UBTD2: variants seen among roughly 807,000 people sequenced by gnomAD.
The protein encoded by UBTD2 is ubiquitin domain containing 2, also known as ubiquitin domain-containing protein 2.
UBTD2 carries 9 observed loss-of-function variants against 19.8 expected under a neutral mutation model. The observed-to-expected ratio is 0.46, with a 90% confidence interval of 0.27 to 0.79. The LOEUF (loss-of-function observed/expected upper bound fraction) is 0.79, where lower values mean the gene tolerates loss of function less well. UBTD2 is among the 30% of genes least tolerant of loss of function. UBTD2 has a pLI of 0.14. For synonymous variants in UBTD2, 98 were observed against 103.9 expected (o/e 0.94, Z 0.35); for missense variants, 250 against 300.4 (o/e 0.83, Z 1.24).
At chr5:172,232,460 C>T (rs1385236490) in intron 2 of UBTD2, among the ~76,000 whole-genome samples, 1 of 151,902 alleles carries the variant, frequency 6.6e-6, no homozygotes, top group Non-Finnish European at 1.5e-5. Context: ...TGCTAATAAA[C>T]TTTCATAATA....
chr5:172,283,505 G>A lies in UBTD2; in HGVS notation c.70+91C>T. The A allele has an allele frequency of 9.7e-7, 1 of 1,028,052 alleles. No individual in the cohort carries two copies. The highest frequency in any genetic ancestry group is 1.2e-6 in the Non-Finnish European group (1 of 800,182). The allele number at this position is 1,028,052 out of a possible 1,614,324, so 63.7% of individuals were successfully genotyped here. ...AAGAGGGGATGACAAAGGGGCGCGGGGGCCCGGCGCGGCCCGCGGGGGTCG... is the reference window on the plus strand; with the variant it reads ...AAGAGGGGATGACAAAGGGGCGCGGAGGCCCGGCGCGGCCCGCGGGGGTCG... On this transcript the variant is annotated intron_variant, in intron 1 of 2. Transcript: ENST00000393792. This position sits in a 1 kb window ranked among gnomAD's most constrained non-coding sequence, Gnocchi z 4.3.
chr5:172,219,893 C>G (rs1334512090), intron 2 of UBTD2, among the ~76,000 whole-genome samples: 1 of 152,204 alleles, frequency 6.6e-6, no homozygotes, highest in Non-Finnish European at 1.5e-5. Context: ...AGGTTCAGTA[C>G]TATCCACAGT....
intron 2 of UBTD2, among the ~76,000 whole-genome samples, chr5:172,227,050 T>TAGA (rs1771781096): frequency 6.6e-6 from 1 of 152,190 alleles, no homozygotes; most frequent in Admixed American, 6.5e-5. Context: ...CGGAGCAGAC[T>TAGA]AGAAGCACCT....
chr5:172,257,775 G>A (rs1352570737), intron 1 of UBTD2, among the ~76,000 whole-genome samples: 1 of 152,152 alleles, frequency 6.6e-6, no homozygotes, highest in Non-Finnish European at 1.5e-5. Flanking sequence ...GTGATGGTGA[G>A]CATTTTTTCA....
At chr5:172,235,000 G>T (rs1349862824) in intron 1 of UBTD2, among the ~76,000 whole-genome samples, 1 of 152,130 alleles carries the variant, frequency 6.6e-6, no homozygotes, top group Non-Finnish European at 1.5e-5. Context: ...GGGAAAGGAG[G>T]CTATGTATGT....
intron 1 of UBTD2, among the ~76,000 whole-genome samples, chr5:172,250,464 A>G (rs1235411201): frequency 6.6e-6 from 1 of 152,146 alleles, no homozygotes; most frequent in Non-Finnish European, 1.5e-5. Flanking sequence ...TGAGGAATCT[A>G]AGCATTCAAA....
intron 1 of UBTD2, among the ~76,000 whole-genome samples, chr5:172,251,247 A>C (rs960142633): frequency 6.9e-6 from 1 of 145,734 alleles, no homozygotes; most frequent in African/African-American, 2.5e-5. Flanking sequence ...TGAACCCAGG[A>C]GGCCAGGCTT....
At chr5:172,272,479 G>A (rs912679433) in intron 1 of UBTD2, among the ~76,000 whole-genome samples, 5 of 152,092 alleles carry the variant, frequency 3.3e-5, no homozygotes, top group African/African-American at 1.2e-4. Flanking sequence ...AACCACTCAG[G>A]TGGTCTGCAG....
Position 172,260,843 on chromosome 5 carries a change from A to T in UBTD2, c.70+22753T>A, listed in dbSNP as rs766357793. On this transcript the variant is annotated intron_variant, in intron 1 of 2. Transcript: ENST00000393792. ...TTTAACTTCAAAATTATGAGAATTT[A>T]AAGAGAATATGAACTACTCCGATTC... 3.3e-5 allele frequency among the ~76,000 whole-genome samples: 5 copies of T among 152,332 alleles called. No homozygotes were observed. The South Asian group carries it at 1.0e-3, about 32-fold the overall frequency.
rs1477122130 is a variant in UBTD2 at position 172,231,025 on chromosome 5, T to C, written c.307+3097A>G. Among the ~76,000 whole-genome samples the C allele has an allele frequency of 2.0e-5, 3 of 152,136 alleles. No individual in the cohort carries two copies. In the East Asian group the frequency reaches 5.8e-4, roughly 29 times the overall value. ...GTCTCGATCTCCTGACCTCATGATC[T>C]GCCCGCCTCGGCCTCCCAAAGTGCT... On this transcript the variant is annotated intron_variant, in intron 2 of 2. Coordinates refer to ENST00000393792, the MANE Select transcript of UBTD2 (RefSeq NM_152277.3).
intron 2 of UBTD2, among the ~76,000 whole-genome samples, chr5:172,229,091 A>G (rs1196676273): frequency 1.3e-5 from 2 of 152,308 alleles, no homozygotes; most frequent in Admixed American, 1.3e-4. Flanking sequence ...AGAACTGGCA[A>G]CATTTAGCTA....
intron 1 of UBTD2, among the ~76,000 whole-genome samples, chr5:172,263,800 A>C (rs71589878): frequency 0.041 from 6,265 of 151,110 alleles, 164 homozygotes; most frequent in South Asian, 0.094. Flanking sequence ...CTCAAAAAAA[A>C]CCACAAAATC....
chr5:172,268,590 A>G (rs1483528184), intron 1 of UBTD2, among the ~76,000 whole-genome samples: 1 of 152,154 alleles, frequency 6.6e-6, no homozygotes, highest in Non-Finnish European at 1.5e-5. Flanking sequence ...CCACCAAAAA[A>G]TAGACAAATT....
chr5:172,232,254 C>T (rs764627812), intron 2 of UBTD2, among the ~76,000 whole-genome samples: 12 of 148,134 alleles, frequency 8.1e-5, no homozygotes, highest in Middle Eastern at 3.5e-3. Flanking sequence ...GCCTGGGCAA[C>T]AGAGTGAGAC....
At chr5:172,226,283 G>C (rs1400210255) in intron 2 of UBTD2, among the ~76,000 whole-genome samples, 1 of 149,952 alleles carries the variant, frequency 6.7e-6, no homozygotes, top group African/African-American at 2.4e-5. Flanking sequence ...GCCTGATAGA[G>C]GGACATAAGA....
intron 1 of UBTD2, among the ~76,000 whole-genome samples, chr5:172,245,722 AAAAG>A (rs1165266391): frequency 1.3e-5 from 2 of 152,060 alleles, no homozygotes; most frequent in African/African-American, 2.4e-5. Context: ...AAAAAAAAAA[AAAAG>A]AAAGAAATGA....
chr5:172,280,127 G>A (rs1160604977), intron 1 of UBTD2, among the ~76,000 whole-genome samples: 1 of 151,554 alleles, frequency 6.6e-6, no homozygotes, highest in Non-Finnish European at 1.5e-5. Flanking sequence ...CAAAACAATG[G>A]GAAATTCTAG....
In UBTD2 at chr5:172,211,996, C is replaced by T. The variant is rs150478250; in HGVS notation, c.539G>A (p.Arg180Gln). 9.9e-6 allele frequency: 16 copies of T among 1,614,090 alleles called. No homozygotes were observed. The highest frequency in any genetic ancestry group is 1.6e-4 in the Middle Eastern group (1 of 6,084). Residue 180 changes from arginine to glutamine, a missense_variant, in exon 3 of 3, where the codon CGG becomes CAG. Coordinates refer to ENST00000393792, the MANE Select transcript of UBTD2 (RefSeq NM_152277.3). ...TTCCACTCCCTCTGCTGCATGCAAC[C>T]GTCTCTTCATGTGGAATACTGTGTC... ...STDTVFHMKR[R>Q]LHAAEGVEPG...
rs370023635 is a variant in UBTD2, at chr5:172,212,081, A to G, written c.454T>C (p.Cys152Arg). ...GTGGAAAGGCGCAAACGAAGCTGAC[A>G]TTCATATCCAGAATTGGGTGGTGGC... ...PEPPPNSGYE[C>R]QLRLRLSTGK... Residue 152 changes from cysteine to arginine, a missense_variant, in exon 3 of 3, where the codon TGT (cysteine) becomes CGT (arginine). Physicochemically the swap from Cys to Arg is radical, Grantham distance 180 (BLOSUM62 -3). Coordinates refer to ENST00000393792, the MANE Select transcript of UBTD2 (RefSeq NM_152277.3). 25 of 1,614,094 alleles carry G rather than the reference A, an allele frequency of 1.5e-5. No homozygotes were observed. The East Asian group carries it at 2.5e-4, about 16-fold the overall frequency.
Sources: allele counts gnomAD v4.1 joint callset (sites outside exome capture counted in the v4.1 genomes callset), GRCh38; gene constraint gnomAD v4.1.1; non-coding constraint Gnocchi (gnomAD v3.1); transcripts MANE v1.5; gene names NCBI Gene and HGNC (gene_info 2026-07-23, HGNC 2026-07-21).